The following GRM5 variants were observed in gnomAD, a reference collection of about 807,000 sequenced individuals.
GRM5 encodes the protein metabotropic glutamate receptor 5.
GRM5 carries 19 observed loss-of-function variants against 83.1 expected under a neutral mutation model. The observed-to-expected ratio is 0.23, with a 90% CI of 0.16 to 0.34. The LOEUF is 0.34. Ranked by LOEUF, GRM5 falls within the 10% of genes least tolerant of loss-of-function variation. The probability of loss-of-function intolerance (pLI) is 1.00; values close to 1 mark genes in which losing one functional copy is unlikely to be tolerated. For missense variants in GRM5, 1,160 were observed against 1,588.3 expected, an observed-to-expected ratio of 0.73 and a Z score of 4.58; for synonymous variants, 675 against 633.6, an observed-to-expected ratio of 1.07 and a Z score of -0.98.
chr11:88,978,473 TTAAAAAAAAAAAAAAAAA>T (rs1939410012), intron 2 of GRM5, among the ~76,000 whole-genome samples: 1 of 56,818 alleles, frequency 1.8e-5, no homozygotes, highest in African/African-American at 6.6e-5. Flanking sequence ...GCAGATGAGC[TTAAAAAAAAAAAAAAAAA>T]AAAAAAAAAA....
At chr11:88,701,789 A>T (rs1273351484) in intron 3 of GRM5, among the ~76,000 whole-genome samples, 1 of 152,138 alleles carries the variant, frequency 6.6e-6, no homozygotes, top group Non-Finnish European at 1.5e-5. Flanking sequence ...TTTTCTAAAA[A>T]CTTGGAGTGA....
intron 2 of GRM5, among the ~76,000 whole-genome samples, chr11:88,992,890 T>G (rs1591029048): frequency 1.4e-5 from 2 of 139,974 alleles, no homozygotes; most frequent in Non-Finnish European, 1.6e-5. Flanking sequence ...GGGGGAGGGA[T>G]AGCAGTAGAA....
intron 4 of GRM5, among the ~76,000 whole-genome samples, chr11:88,643,132 C>T (rs922939100): frequency 3.3e-5 from 5 of 152,028 alleles, no homozygotes; most frequent in African/African-American, 1.2e-4. Context: ...GCAGGCTGTG[C>T]AGGAAGCATA....
At chr11:88,694,826 C>T (rs969607549) in intron 3 of GRM5, among the ~76,000 whole-genome samples, 5 of 151,992 alleles carry the variant, frequency 3.3e-5, no homozygotes, top group African/African-American at 9.7e-5. Context: ...ATGGTACTCT[C>T]GGGACAGATT....
At chr11:88,879,029 C>T (rs1349165791) in intron 2 of GRM5, among the ~76,000 whole-genome samples, 1 of 151,600 alleles carries the variant, frequency 6.6e-6, no homozygotes, top group African/African-American at 2.4e-5. Context: ...TTGTCAAAAG[C>T]AATAAAGAGA....
intron 3 of GRM5, among the ~76,000 whole-genome samples, chr11:88,767,341 A>G (rs1316010840): frequency 2.6e-5 from 4 of 151,920 alleles, no homozygotes; most frequent in African/African-American, 9.7e-5. Context: ...CCTCAAAAGA[A>G]TGTAAATTTT....
At chr11:88,777,432 C>G (rs1221185750) in intron 3 of GRM5, among the ~76,000 whole-genome samples, 1 of 152,190 alleles carries the variant, frequency 6.6e-6, no homozygotes, top group Admixed American at 6.5e-5. Flanking sequence ...CTGCAGCCTA[C>G]TTCTGTCAAA....
chr11:88,959,375 TTAAC>T (rs1320743152), intron 2 of GRM5, among the ~76,000 whole-genome samples: 4 of 152,104 alleles, frequency 2.6e-5, no homozygotes, highest in African/African-American at 7.2e-5. Flanking sequence ...TATGCAAATT[TTAAC>T]TAATAATCCA....
At chr11:88,737,740 C>T (rs1337970756) in intron 3 of GRM5, among the ~76,000 whole-genome samples, 2 of 151,926 alleles carry the variant, frequency 1.3e-5, no homozygotes, top group Admixed American at 6.6e-5. Context: ...CTCATCTTGG[C>T]CATAGATTTT....
chr11:88,821,649 G>T (rs1213310460), intron 3 of GRM5, among the ~76,000 whole-genome samples: 1 of 152,120 alleles, frequency 6.6e-6, no homozygotes, highest in East Asian at 1.9e-4. Flanking sequence ...CTCCTGGAGT[G>T]ATCCTTTCGA....
intron 3 of GRM5, among the ~76,000 whole-genome samples, chr11:88,812,610 T>C (rs1374237413): frequency 6.6e-6 from 1 of 152,116 alleles, no homozygotes; most frequent in Non-Finnish European, 1.5e-5. Context: ...ACAAAAATAT[T>C]TTTCAATCAA....
rs188149678 is a variant in GRM5 at position 88,978,074 on chromosome 11, C to T, written c.661+69138G>A. On this transcript the variant is annotated intron_variant, in intron 2 of 9. Coordinates refer to ENST00000305447, the MANE Select transcript of GRM5 (RefSeq NM_001143831.3). ...ATTTGTAGTAGATCAGTTTCTGCTC[C>T]ACTTGAAGCCAACCTTCCTCACAAT... Among the ~76,000 whole-genome samples, 15 of 152,208 alleles carry T rather than the reference C, an allele frequency of 9.9e-5. No individual in the cohort carries two copies. In the East Asian group the frequency reaches 2.3e-3, roughly 24 times the overall value.
chr11:88,862,889 A>C (rs1334487070), intron 2 of GRM5, among the ~76,000 whole-genome samples: 1 of 152,190 alleles, frequency 6.6e-6, no homozygotes, highest in East Asian at 1.9e-4. Context: ...TAATATCCAG[A>C]GTCTACATGA....
intron 3 of GRM5, among the ~76,000 whole-genome samples, chr11:88,841,715 G>C (rs2135531156): frequency 1.3e-5 from 2 of 152,236 alleles, no homozygotes; most frequent in Non-Finnish European, 2.9e-5. Context: ...ACTTTTTCTT[G>C]TGATATCATG....
At chr11:89,046,474 C>T (rs1161986061) in intron 2 of GRM5, among the ~76,000 whole-genome samples, 1 of 151,820 alleles carries the variant, frequency 6.6e-6, no homozygotes, top group African/African-American at 2.4e-5. Context: ...CAGCCATGGT[C>T]AAGAACTAAT....
At chr11:88,899,419 G>T (rs1945283138) in intron 2 of GRM5, among the ~76,000 whole-genome samples, 1 of 151,618 alleles carries the variant, frequency 6.6e-6, no homozygotes, top group Non-Finnish European at 1.5e-5. Flanking sequence ...AAAAAATAGT[G>T]GATAATTAGG....
At chr11:88,628,831 T>C (rs1391489015) in intron 4 of GRM5, among the ~76,000 whole-genome samples, 1 of 152,194 alleles carries the variant, frequency 6.6e-6, no homozygotes, top group African/African-American at 2.4e-5. Flanking sequence ...CCTGAGTCTT[T>C]TAAGTGACTC....
At chr11:88,665,712 C>T (rs1940025295) in intron 3 of GRM5, among the ~76,000 whole-genome samples, 1 of 151,994 alleles carries the variant, frequency 6.6e-6, no homozygotes, top group South Asian at 2.1e-4. Flanking sequence ...AGAAACTGAA[C>T]AGCTACTTCC....
At chr11:88,696,788 A>G (rs1024709874) in intron 3 of GRM5, among the ~76,000 whole-genome samples, 2 of 152,212 alleles carry the variant, frequency 1.3e-5, no homozygotes, top group East Asian at 3.8e-4. Flanking sequence ...GGCATGCAGT[A>G]AGCCCTCAAC....
Sources: gnomAD v4.1 joint callset for allele counts (sites outside exome capture counted in the v4.1 genomes callset) on GRCh38, gnomAD v4.1.1 for gene constraint, MANE v1.5 for transcripts, NCBI Gene and HGNC (gene_info 2026-07-23, HGNC 2026-07-21) for gene names.